ADCY2: variants seen among roughly 807,000 people sequenced by gnomAD.
ADCY2 encodes the protein adenylate cyclase 2.
ADCY2 carries 31 observed loss-of-function variants against 125.2 expected under a neutral mutation model. That is an observed-to-expected ratio of 0.25 (90% CI 0.19 to 0.33). ADCY2 has a LOEUF of 0.33. Among genes scored for constraint, ADCY2 ranks in the 10% least tolerant of loss-of-function variants. The pLI, the probability that ADCY2 is intolerant of heterozygous loss-of-function variation, is 1.00. For missense variants in ADCY2, 904 were observed against 1,418.2 expected, an observed-to-expected ratio of 0.64 and a Z score of 5.82; for synonymous variants, 512 against 548.4, an observed-to-expected ratio of 0.93 and a Z score of 0.93.
At chr5:7,619,824 C>T (rs1328744989) in intron 3 of ADCY2, among the ~76,000 whole-genome samples, 1 of 152,162 alleles carries the variant, frequency 6.6e-6, no homozygotes, top group Non-Finnish European at 1.5e-5. Context: ...CATGTTATTC[C>T]CTTTTCTCTG....
chr5:7,736,219 CA>C lies in ADCY2; in HGVS notation c.1872-7440del, dbSNP rs201618976. 2.9e-3 allele frequency among the ~76,000 whole-genome samples: 438 copies of C among 148,990 alleles called. 3 individuals carry two copies. The highest frequency in any genetic ancestry group is 0.027 in the East Asian group (137 of 5,104). ...TGGGTGACAGAGCAAGACTCTGTCT[CA>C]AAAAAAAATTAAAAATGAAATGAAA... On this transcript the variant is annotated intron_variant, in intron 14 of 24. Coordinates refer to ENST00000338316, the MANE Select transcript of ADCY2 (RefSeq NM_020546.3).
intron 3 of ADCY2, among the ~76,000 whole-genome samples, chr5:7,554,637 T>C (rs1172996246): frequency 3.3e-5 from 5 of 152,174 alleles, no homozygotes; most frequent in Non-Finnish European, 5.9e-5. Context: ...CAACTTCCTT[T>C]AATCATCAAG....
intron 2 of ADCY2, among the ~76,000 whole-genome samples, chr5:7,446,493 C>T (rs1434169152): frequency 6.6e-6 from 1 of 152,084 alleles, no homozygotes; most frequent in Non-Finnish European, 1.5e-5. Context: ...GCCAAGAATT[C>T]AAGACCAGCC....
At chr5:7,439,617 A>G (rs1361067068) in intron 2 of ADCY2, among the ~76,000 whole-genome samples, 1 of 152,134 alleles carries the variant, frequency 6.6e-6, no homozygotes, top group Non-Finnish European at 1.5e-5. Flanking sequence ...AATATTAACT[A>G]TTCTCTATTA....
At chr5:7,556,754 A>G (rs1168146058) in intron 3 of ADCY2, among the ~76,000 whole-genome samples, 1 of 152,140 alleles carries the variant, frequency 6.6e-6, no homozygotes, top group East Asian at 1.9e-4. Context: ...TGAAATTCTC[A>G]TAAGAGCGGG....
intron 2 of ADCY2, among the ~76,000 whole-genome samples, chr5:7,463,841 A>G (rs1162346832): frequency 6.6e-6 from 1 of 152,182 alleles, no homozygotes; most frequent in Non-Finnish European, 1.5e-5. Context: ...TCACAGGAAG[A>G]AAGGACAAAT....
rs1433617844 is a variant in ADCY2, at chr5:7,523,169, CCT to C, written c.570+2271_570+2272del. The stretch of plus-strand genomic sequence containing the variant: ...TATTTCAGAAGAAGAGGTTTTAATA[CCT>C]GTCTGTAAGAATCAAACAGGGTTAA... On this transcript the variant is annotated intron_variant, in intron 3 of 24. Transcript: ENST00000338316. Among the ~76,000 whole-genome samples, 10 of 152,132 alleles carry C rather than the reference CCT, an allele frequency of 6.6e-5. 1 individual carries two copies. In the East Asian group the frequency reaches 1.4e-3, roughly 21 times the overall value.
chr5:7,762,397 G>T (rs918170822), intron 16 of ADCY2, among the ~76,000 whole-genome samples: 5 of 152,226 alleles, frequency 3.3e-5, no homozygotes, highest in Non-Finnish European at 7.3e-5. Flanking sequence ...ATCTGCAGAT[G>T]CCCTGGGCCC....
intron 3 of ADCY2, among the ~76,000 whole-genome samples, chr5:7,574,687 A>G (rs1736187182): frequency 6.6e-6 from 1 of 152,230 alleles, no homozygotes; most frequent in African/African-American, 2.4e-5. Flanking sequence ...TGACCTTTAA[A>G]TTAGATCCCA....
At chr5:7,517,196 G>T (rs1314320488) in intron 2 of ADCY2, among the ~76,000 whole-genome samples, 1 of 152,162 alleles carries the variant, frequency 6.6e-6, no homozygotes, top group African/African-American at 2.4e-5. Flanking sequence ...AATGAGTGCT[G>T]TTGCCTCAGC....
At chr5:7,549,755 A>T (rs1387883824) in intron 3 of ADCY2, among the ~76,000 whole-genome samples, 2 of 152,196 alleles carry the variant, frequency 1.3e-5, no homozygotes, top group African/African-American at 2.4e-5. Context: ...ATTGTGCAGG[A>T]ACATGAGATG....
intron 3 of ADCY2, chr5:7,522,739 TAAAAAA>T (rs35601967): frequency 6.5e-5 from 8 of 122,612 alleles, no homozygotes; most frequent in African/African-American, 2.3e-4. Flanking sequence ...CATCTCTACT[TAAAAAA>T]AAAAAAAAAA....
chr5:7,703,456 T>C (rs990330981), intron 7 of ADCY2, among the ~76,000 whole-genome samples: 5 of 152,204 alleles, frequency 3.3e-5, no homozygotes, highest in African/African-American at 4.8e-5. Flanking sequence ...TAGCCAGTTT[T>C]CCCAGCACCA....
At chr5:7,663,888 C>T (rs184288851) in intron 4 of ADCY2, among the ~76,000 whole-genome samples, 18 of 152,288 alleles carry the variant, frequency 1.2e-4, no homozygotes, top group Admixed American at 1.1e-3. Context: ...GGGAAATTTT[C>T]TCTAAACTGG....
chr5:7,754,067 A>G (rs1435609089), intron 15 of ADCY2, among the ~76,000 whole-genome samples: 2 of 152,008 alleles, frequency 1.3e-5, no homozygotes, highest in African/African-American at 2.4e-5. Flanking sequence ...GTTGTGCCAA[A>G]CCCATGTCTG....
At chr5:7,767,647 C>G (rs1049747013) in intron 17 of ADCY2, among the ~76,000 whole-genome samples, 1 of 152,174 alleles carries the variant, frequency 6.6e-6, no homozygotes, top group African/African-American at 2.4e-5. Context: ...TCCTCCTTCT[C>G]TGATTTGCTT....
At chr5:7,403,161 T>C (rs1049872879) in intron 1 of ADCY2, among the ~76,000 whole-genome samples, 1 of 152,156 alleles carries the variant, frequency 6.6e-6, no homozygotes, top group African/African-American at 2.4e-5. Flanking sequence ...TCCTGTATTT[T>C]TTTTTTAGGT....
chr5:7,720,273 T>G (rs1579354069), intron 12 of ADCY2, among the ~76,000 whole-genome samples: 1 of 152,154 alleles, frequency 6.6e-6, no homozygotes, highest in East Asian at 1.9e-4. Flanking sequence ...CTTCCAAATA[T>G]CCAAATCACA....
At chr5:7,727,796 G>T (rs1455383675) in intron 14 of ADCY2, among the ~76,000 whole-genome samples, 1 of 151,988 alleles carries the variant, frequency 6.6e-6, no homozygotes, top group South Asian at 2.1e-4. Flanking sequence ...AGAGACGTGG[G>T]TACAAATGGG....
Sources: gnomAD v4.1 joint callset for allele counts (sites outside exome capture counted in the v4.1 genomes callset) on GRCh38, gnomAD v4.1.1 for gene constraint, MANE v1.5 for transcripts, NCBI Gene and HGNC (gene_info 2026-07-23, HGNC 2026-07-21) for gene names.